ARHGEF3: variants seen among roughly 807,000 people sequenced by gnomAD.
ARHGEF3 encodes the protein Rho guanine nucleotide exchange factor 3, also known as 59.8 kDA protein.
A neutral mutation model predicts 63.2 loss-of-function variants in ARHGEF3; 28 were observed. The ratio of observed to expected loss-of-function variants is 0.44; its 90% CI spans 0.33 to 0.61. The LOEUF (loss-of-function observed/expected upper bound fraction) is 0.61. ARHGEF3 is among the 20% of genes least tolerant of loss of function. The pLI is 0.03. For synonymous variants in ARHGEF3, 266 were observed against 254.2 expected (o/e 1.05, Z -0.44); for missense variants, 533 against 659.3 (o/e 0.81, Z 2.10).
chr3:56,864,562 G>A (rs1639500497), intron 4 of ARHGEF3, among the ~76,000 whole-genome samples: 1 of 152,082 alleles, frequency 6.6e-6, no homozygotes, highest in Admixed American at 6.5e-5. Flanking sequence ...ATTAACATCT[G>A]CCTCCATAAT....
chr3:57,019,074 CCA>C (rs1235905796), intron 2 of ARHGEF3, among the ~76,000 whole-genome samples: 3 of 152,228 alleles, frequency 2.0e-5, no homozygotes, highest in African/African-American at 7.2e-5. Context: ...GTAGCAAGGA[CCA>C]CAGTGGGTAG....
chr3:56,912,157 TATTTTTGACTTTTTGTGCAAG>T (rs2041870571), intron 3 of ARHGEF3, among the ~76,000 whole-genome samples: 1 of 152,178 alleles, frequency 6.6e-6, no homozygotes, highest in Non-Finnish European at 1.5e-5. Flanking sequence ...ATATGAAAAC[TATTTTTGACTTTTTGTGCAAG>T]ATATTTGCAT....
At chr3:56,978,191 C>G (rs1210916447) in intron 2 of ARHGEF3, among the ~76,000 whole-genome samples, 1 of 152,164 alleles carries the variant, frequency 6.6e-6, no homozygotes, top group Non-Finnish European at 1.5e-5. Flanking sequence ...TGTCACTGGA[C>G]AAAACACCTT....
intron 1 of ARHGEF3, among the ~76,000 whole-genome samples, chr3:56,800,582 GTGTGCTCCCGAATATACA>G (rs1165814660): frequency 2.7e-4 from 41 of 152,198 alleles, no homozygotes; most frequent in Non-Finnish European, 3.2e-4. Context: ...ATCTTTGATG[GTGTGCTCCCGAATATACA>G]TGATTCAGTG....
chr3:56,803,490 GAAAAGAAAAGAAAAGAA>G (rs2037750696), upstream of ARHGEF3, among the ~76,000 whole-genome samples: 1 of 115,448 alleles, frequency 8.7e-6, no homozygotes, highest in South Asian at 2.3e-4. Flanking sequence ...AAAGGAAAAA[GAAAAGAAAAGAAAAGAA>G]AAAAGAAAAG....
At chr3:56,831,827 G>A (rs1312060519) in intron 4 of ARHGEF3, among the ~76,000 whole-genome samples, 1 of 152,184 alleles carries the variant, frequency 6.6e-6, no homozygotes, top group East Asian at 1.9e-4. Flanking sequence ...AACAGAAATG[G>A]CTCTCTTCCA....
At chr3:56,800,970 C>T (rs1426549364) in intron 1 of ARHGEF3, among the ~76,000 whole-genome samples, 2 of 152,238 alleles carry the variant, frequency 1.3e-5, no homozygotes, top group Non-Finnish European at 2.9e-5. Flanking sequence ...GAGGAAAAGG[C>T]AGACTAAACA....
chr3:56,773,443 G>A (rs200498158), intron 2 of ARHGEF3, among the ~76,000 whole-genome samples: 2 of 152,140 alleles, frequency 1.3e-5, no homozygotes, highest in South Asian at 2.1e-4. Context: ...AAAAAATCGC[G>A]TGAGAGTATG....
upstream of ARHGEF3, among the ~76,000 whole-genome samples, chr3:56,804,363 C>T (rs1215541621): frequency 6.6e-6 from 1 of 152,166 alleles, no homozygotes; most frequent in African/African-American, 2.4e-5. Flanking sequence ...TGTTTGCGTG[C>T]TCTTTGCTTC....
At chr3:56,907,016 T>C (rs1469053485) in intron 3 of ARHGEF3, among the ~76,000 whole-genome samples, 3 of 150,048 alleles carry the variant, frequency 2.0e-5, no homozygotes, top group African/African-American at 7.4e-5. Flanking sequence ...AGTTTCATTT[T>C]TGTTGCCCAG....
At position 56,856,298 on chromosome 3, in the gene ARHGEF3, A is replaced by G. The variant is rs538017006; in HGVS notation, c.192+25994T>C. ...AATGATCTATGTCTAGTATCTGTCT[A>G]TAAGGACAGTGAGTCAACATTTTTG... On this transcript the variant is annotated intron_variant, in intron 4 of 12. Transcript: ENST00000338458. 9.2e-5 allele frequency among the ~76,000 whole-genome samples: 14 copies of G among 152,358 alleles called. No homozygotes were observed. In the East Asian group the frequency reaches 1.3e-3, roughly 15 times the overall value.
At chr3:56,740,591 A>G (rs778410555) in intron 7 of ARHGEF3, among the ~76,000 whole-genome samples, 5 of 152,262 alleles carry the variant, frequency 3.3e-5, no homozygotes, top group Non-Finnish European at 5.9e-5. Flanking sequence ...ACGAAGTGGT[A>G]GCATTCAAAG....
chr3:56,753,591 A>C (rs1559906338), intron 3 of ARHGEF3, 25 bp from the exon 4 acceptor site: 1 of 1,604,858 alleles, frequency 6.2e-7, no homozygotes, highest in Admixed American at 1.7e-5. Context: ...AAACATATTC[A>C]CTGAATTCTC....
chr3:56,752,782 G>A (rs764349249), intron 4 of ARHGEF3, among the ~76,000 whole-genome samples: 1 of 152,120 alleles, frequency 6.6e-6, no homozygotes, highest in Non-Finnish European at 1.5e-5. Flanking sequence ...TCAGTTTCTT[G>A]GCTGTGTCCA....
intron 4 of ARHGEF3, among the ~76,000 whole-genome samples, chr3:56,819,503 A>G (rs2038390856): frequency 6.7e-6 from 1 of 148,888 alleles, no homozygotes; most frequent in African/African-American, 2.5e-5. Context: ...ATGTTCTACC[A>G]GGTGGCAGTT....
intron 2 of ARHGEF3, among the ~76,000 whole-genome samples, chr3:56,759,362 T>C (rs1044123611): frequency 6.6e-6 from 1 of 151,880 alleles, no homozygotes; most frequent in East Asian, 1.9e-4. Flanking sequence ...GTATTTTTAG[T>C]AGAGATGGGG....
rs185904386 is a variant in ARHGEF3 at position 57,054,357 on chromosome 3, C to T, written c.-27-19181G>A. ...TTAAAATTGGGTTGTCAGGTAGGTA[C>T]GGTGGCTCACACCTATAATCCCAGC... On this transcript the variant is annotated intron_variant, in intron 1 of 12. Transcript: ENST00000338458. 2.9e-4 allele frequency among the ~76,000 whole-genome samples: 44 copies of T among 151,852 alleles called. No individual in the cohort carries two copies. The East Asian group carries it at 6.5e-3, about 22-fold the overall frequency.
intron 2 of ARHGEF3, among the ~76,000 whole-genome samples, chr3:57,017,591 T>G (rs1158212741): frequency 6.6e-6 from 1 of 152,196 alleles, no homozygotes; most frequent in Admixed American, 6.5e-5. Context: ...CCTTGGTCCT[T>G]GAAGAAACAA....
At chr3:56,768,581 C>G (rs113663114) in intron 2 of ARHGEF3, among the ~76,000 whole-genome samples, 21 of 151,368 alleles carry the variant, frequency 1.4e-4, no homozygotes, top group Middle Eastern at 3.4e-3. Context: ...AATACTCCCC[C>G]CTAAGCTAGA....
Sources: allele counts gnomAD v4.1 joint callset (sites outside exome capture counted in the v4.1 genomes callset), GRCh38; gene constraint gnomAD v4.1.1; transcripts MANE v1.5; gene names NCBI Gene and HGNC (gene_info 2026-07-23, HGNC 2026-07-21).